Variants in TRNAU1AP observed in about 807,000 individuals in gnomAD.
The protein encoded by TRNAU1AP is tRNA selenocysteine 1-associated protein 1.
In TRNAU1AP, 33 loss-of-function variants were observed where a neutral mutation model predicts 43.3. The observed-to-expected ratio is 0.76, with a 90% confidence interval of 0.58 to 1.02. The LOEUF is 1.02. Ranked by LOEUF, TRNAU1AP falls within the 50% of genes least tolerant of loss-of-function variation. TRNAU1AP has a pLI of 0.00. For synonymous variants in TRNAU1AP, 143 were observed against 129.1 expected, an observed-to-expected ratio of 1.11 and a Z score of -0.73; for missense variants, 290 against 362.7, an observed-to-expected ratio of 0.80 and a Z score of 1.63.
At position 28,571,907 on chromosome 1, in the gene TRNAU1AP, G is replaced by T; in HGVS notation, c.727+7G>T. ...GGAGATGATGCATTGGAAGGTAAGG[G>T]TTCATACGTTCCTTACTCTGTCAGC... On this transcript the variant is annotated splice_region_variant and intron_variant, in intron 8 of 8. Transcript: ENST00000373830. 2 of 1,611,550 alleles carry T rather than the reference G, an allele frequency of 1.2e-6. No individual in the cohort carries two copies. Among genetic ancestry groups the T allele is most frequent in the Non-Finnish European group, 1.7e-6 (2 of 1,177,770 alleles).
chr1:28,571,829 C>T (rs780020631), intron 7 of TRNAU1AP, 38 bp from the exon 8 acceptor site: 1 of 1,552,182 alleles, frequency 6.4e-7, no homozygotes, highest in East Asian at 2.3e-5. Flanking sequence ...GCCAGGATTT[C>T]ACCATGCCCC....
At chr1:28,564,158 C>T (rs1273693462) in intron 4 of TRNAU1AP, among the ~76,000 whole-genome samples, 8 of 151,836 alleles carry the variant, frequency 5.3e-5, no homozygotes, top group African/African-American at 7.3e-5. Flanking sequence ...CCCAGCTGGT[C>T]GGCAGGCTAA....
At chr1:28,554,198 C>CA (rs537146796) in intron 2 of TRNAU1AP, 8,350 of 85,408 alleles carry the variant, frequency 0.098, 319 homozygotes, top group Non-Finnish European at 0.12. Flanking sequence ...AACAATGTCT[C>CA]AAAAAAAAAA....
At chr1:28,575,399 C>T (rs935778667) in intron 8 of TRNAU1AP, among the ~76,000 whole-genome samples, 6 of 151,860 alleles carry the variant, frequency 4.0e-5, no homozygotes, top group African/African-American at 7.3e-5. Context: ...ATGATCCGCC[C>T]GCCTCTGCCT....
In TRNAU1AP at chr1:28,577,382, AAG is replaced by A. The variant is rs1273906352; in HGVS notation, c.728-116_728-115del. On this transcript the variant is annotated intron_variant, in intron 8 of 8. Coordinates refer to ENST00000373830, the MANE Select transcript of TRNAU1AP (RefSeq NM_017846.5). ...GCAAGGCAGTGCTTTCACTTCCTGA[AAG>A]AAACTGGCAGGATAGGGACCTTACC... 6.0e-5 allele frequency: 69 copies of A among 1,148,768 alleles called. 1 individual carries two copies. The highest frequency in any genetic ancestry group is 7.9e-5 in the Non-Finnish European group (64 of 808,572). 71.2% of individuals were successfully genotyped at this position (1,148,768 alleles called of 1,614,324 possible).
chr1:28,575,985 C>G (rs1665770907), intron 8 of TRNAU1AP, among the ~76,000 whole-genome samples: 2 of 151,358 alleles, frequency 1.3e-5, no homozygotes, highest in Admixed American at 6.6e-5. Context: ...CTCAGCCTCC[C>G]GAGTAGCTGG....
At chr1:28,574,461 G>A (rs906576579) in intron 8 of TRNAU1AP, 4 of 152,166 alleles carry the variant, frequency 2.6e-5, no homozygotes, top group African/African-American at 9.7e-5. Context: ...ATGGTGGCCT[G>A]TGGTTCCAGC....
intron 3 of TRNAU1AP, chr1:28,560,991 C>T: frequency 3.3e-6 from 4 of 1,221,532 alleles, no homozygotes; most frequent in South Asian, 1.8e-5. Context: ...TTCCATTCTG[C>T]ATTGCTGCCT....
rs1167810937 is a variant in TRNAU1AP, at chr1:28,557,474, T to C, written c.126-3159T>C. On this transcript the variant is annotated intron_variant, in intron 2 of 8. Coordinates refer to ENST00000373830, the MANE Select transcript of TRNAU1AP (RefSeq NM_017846.5). The stretch of plus-strand genomic sequence containing the variant: ...CTCTTGTTTCTTACATGTTTCTTTT[T>C]TTTTTTTTTTTTTTTACTTTGAGGC... 1.1e-4 allele frequency among the ~76,000 whole-genome samples: 16 copies of C among 150,606 alleles called. No individual in the cohort carries two copies. The East Asian group carries it at 2.1e-3, about 20-fold the overall frequency.
chr1:28,567,263 G>T (rs1401465148), intron 5 of TRNAU1AP, 31 bp from the exon 6 acceptor site: 1 of 1,607,644 alleles, frequency 6.2e-7, no homozygotes, highest in African/African-American at 1.3e-5. Flanking sequence ...AATCACATTT[G>T]TGATCTAAAT....
intron 8 of TRNAU1AP, among the ~76,000 whole-genome samples, chr1:28,572,972 A>C (rs941953418): frequency 6.6e-6 from 1 of 151,992 alleles, no homozygotes. Flanking sequence ...AAGTATAATG[A>C]AACTGAAAAT....
intron 6 of TRNAU1AP, among the ~76,000 whole-genome samples, chr1:28,569,873 C>T (rs1476077825): frequency 2.1e-5 from 3 of 145,640 alleles, no homozygotes; most frequent in African/African-American, 2.6e-5. Context: ...TGCTGGTGGG[C>T]GCCTATAGTC....
Position 28,577,776 on chromosome 1 carries a change from C to A in TRNAU1AP, c.*140C>A. The A allele has an allele frequency of 2.2e-6, 2 of 909,854 alleles. No individual in the cohort carries two copies. Among genetic ancestry groups the A allele is most frequent in the Non-Finnish European group, 3.3e-6 (2 of 605,978 alleles). 56.4% of individuals were successfully genotyped at this position (909,854 alleles called of 1,614,324 possible). A position where few individuals can be genotyped will look rare whatever the true frequency, so the allele number is the denominator to read the frequency against. ...TTGGAGATCATGAATGTTTCTACAA[C>A]ACTGCTGCATTCATTTGACCATTTG... On this transcript the variant is annotated 3_prime_UTR_variant, in exon 9 of 9. Transcript: ENST00000373830.
At chr1:28,558,519 G>A (rs960930037) in intron 2 of TRNAU1AP, among the ~76,000 whole-genome samples, 2 of 149,366 alleles carry the variant, frequency 1.3e-5, no homozygotes, top group Non-Finnish European at 3.0e-5. Context: ...TCAGGCTCCC[G>A]AGTAGCTGGG....
chr1:28,560,534 C>A, intron 2 of TRNAU1AP, 99 bp from the exon 3 acceptor site: 1 of 957,150 alleles, frequency 1.0e-6, no homozygotes, highest in Non-Finnish European at 1.6e-6. Flanking sequence ...CCTTGGCCTC[C>A]CAAACTGTTG....
intron 8 of TRNAU1AP, among the ~76,000 whole-genome samples, chr1:28,573,366 C>T (rs1461808404): frequency 6.6e-6 from 1 of 150,430 alleles, no homozygotes; most frequent in Non-Finnish European, 1.5e-5. Flanking sequence ...TTAAGCCTTG[C>T]ACGGTGGCTC....
chr1:28,561,287 A>G (rs1174869784), intron 3 of TRNAU1AP, 59 bp from the exon 4 acceptor site: 1 of 1,607,738 alleles, frequency 6.2e-7, no homozygotes, highest in African/African-American at 1.3e-5. Flanking sequence ...TTCTTCAAAT[A>G]TTGTTCAACT....
At chr1:28,572,876 A>G (rs1218174344) in intron 8 of TRNAU1AP, among the ~76,000 whole-genome samples, 2 of 151,914 alleles carry the variant, frequency 1.3e-5, no homozygotes, top group East Asian at 3.9e-4. Flanking sequence ...CAGAGCTTGC[A>G]GTGAGCCGAG....
chr1:28,561,425 A>G, intron 4 of TRNAU1AP, 27 bp downstream of exon 4: 1 of 1,613,478 alleles, frequency 6.2e-7, no homozygotes, highest in Non-Finnish European at 8.5e-7. Context: ...GTCTAGACAG[A>G]CATAAGATGT....
Sources: allele counts gnomAD v4.1 joint callset (sites outside exome capture counted in the v4.1 genomes callset), GRCh38; gene constraint gnomAD v4.1.1; transcripts MANE v1.5; gene names NCBI Gene and HGNC (gene_info 2026-07-23, HGNC 2026-07-21).